SLC26A1: variants seen among roughly 807,000 people sequenced by gnomAD.
SLC26A1 encodes solute carrier family 26 member 1.
SLC26A1 carries 18 observed loss-of-function variants against 14.5 expected under a neutral mutation model. The ratio of observed to expected loss-of-function variants is 1.24; its 90% CI spans 0.86 to 1.84. The LOEUF (loss-of-function observed/expected upper bound fraction) is 1.84. Among genes scored for constraint, SLC26A1 ranks in the 40% most tolerant of loss-of-function variants. The probability of loss-of-function intolerance (pLI) is 0.00; values close to 1 mark genes in which losing one functional copy is unlikely to be tolerated. For synonymous variants in SLC26A1, 505 were observed against 492.0 expected, an observed-to-expected ratio of 1.03 and a Z score of -0.35; for missense variants, 1,049 against 1,020.0, an observed-to-expected ratio of 1.03 and a Z score of -0.39.
At position 988,394 on chromosome 4, in the gene SLC26A1, A is replaced by G; in HGVS notation, c.*439T>C. 4 of 1,062,878 alleles carry G rather than the reference A, an allele frequency of 3.8e-6. No individual in the cohort carries two copies. The highest frequency in any genetic ancestry group is 4.5e-6 in the Non-Finnish European group (4 of 879,332). The allele number at this position is 1,062,878 out of a possible 1,614,324, so 65.8% of individuals were successfully genotyped here. A position where few individuals can be genotyped will look rare whatever the true frequency, so the allele number is the denominator to read the frequency against. On this transcript the variant is annotated 3_prime_UTR_variant, in exon 3 of 3. Transcript: ENST00000398516. ...TGTGTGGGGCCTTCTGGAAACACAG[A>G]GACCCTCGTGCACTTGGCCAGAGCC...
In SLC26A1 at chr4:989,372, C is replaced by A; in HGVS notation, c.1567G>T (p.Glu523Ter). The A allele has an allele frequency of 6.3e-7, 1 of 1,581,422 alleles. No homozygotes were observed. The highest frequency in any genetic ancestry group is 2.3e-5 in the East Asian group (1 of 42,894). Residue 523 changes from glutamate (E) to a stop codon, truncating the protein, a stop_gained, in exon 3 of 3, where the codon GAG becomes TAG. Transcript: ENST00000398516. LOFTEE classifies it low-confidence loss of function (END_TRUNC). ...AGGCCCTCGAACTCTGTGGCATCCTCGTAGAAGGCCGTGTCCCCGATGCGG... is the reference window on the plus strand; with the variant it reads ...AGGCCCTCGAACTCTGTGGCATCCTAGTAGAAGGCCGTGTCCCCGATGCGG... ...LARIGDTAFY[E>*]DATEFEGLVP...
Position 988,064 on chromosome 4 carries a change from C to A in SLC26A1, c.*769G>T, listed in dbSNP as rs550476824. ...TGTTCCCCCACCTCCCGCCGAAGCA[C>A]CCTGTTGGGGAGAGCGTGTCCTTGC... On this transcript the variant is annotated 3_prime_UTR_variant, in exon 3 of 3. Coordinates refer to ENST00000398516, the MANE Select transcript of SLC26A1 (RefSeq NM_022042.4). 1.6e-5 allele frequency: 24 copies of A among 1,472,610 alleles called. No homozygotes were observed. The South Asian group carries it at 2.8e-4, about 17-fold the overall frequency. 91.2% of individuals were successfully genotyped at this position (1,472,610 alleles called of 1,614,324 possible).
downstream of SLC26A1, among the ~76,000 whole-genome samples, chr4:984,186 A>C (rs908500502): frequency 6.6e-6 from 1 of 152,246 alleles, no homozygotes; most frequent in African/African-American, 2.4e-5. Context: ...TATGATTTAC[A>C]TACAATAAAA....
downstream of SLC26A1, among the ~76,000 whole-genome samples, chr4:985,450 T>C (rs1713680686): frequency 6.6e-6 from 1 of 152,260 alleles, no homozygotes; most frequent in Admixed American, 6.5e-5. Context: ...AACAATTCAG[T>C]TTCCATTGCT....
At chr4:986,875 G>A (rs1489764063), downstream of SLC26A1, 2 of 657,000 alleles carry the variant, frequency 3.0e-6, no homozygotes, top group East Asian at 6.2e-5. Flanking sequence ...AGCCCCTGAG[G>A]CCCGCAAGGA....
chr4:989,082 C>T lies in SLC26A1; in HGVS notation c.1857G>A (p.Leu619=). The T allele has an allele frequency of 6.3e-7, 1 of 1,595,606 alleles. No individual in the cohort carries two copies. The highest frequency in any genetic ancestry group is 8.5e-7 in the Non-Finnish European group (1 of 1,171,590). The part of the protein sequence containing the change: ...FHTVVIDCAP[L]LFLDAAGVST... ...TCACACCGGCTGCGTCTAGGAACAG[C>T]AGCGGGGCGCAGTCGATGACCACTG... is the stretch of plus-strand genomic sequence containing the variant. The change falls in exon 3 of 3, where the codon CTG becomes CTA. Residue 619 remains leucine (L), a synonymous_variant. Coordinates refer to ENST00000398516, the MANE Select transcript of SLC26A1 (RefSeq NM_022042.4).
At position 990,456 on chromosome 4, in the gene SLC26A1, G is replaced by A. The variant is rs1714198026; in HGVS notation, c.577-94C>T. The A allele has an allele frequency of 3.3e-6, 4 of 1,218,922 alleles. No homozygotes were observed. In the South Asian group the frequency reaches 4.7e-5, roughly 14 times the overall value. The allele number at this position is 1,218,922 out of a possible 1,614,324, so 75.5% of individuals were successfully genotyped here. A position where few individuals can be genotyped will look rare whatever the true frequency, so the allele number is the denominator to read the frequency against. ...CATGGCCCGAGGGGTGGTGGTCACG[G>A]CACAGGACCTGACAATTCTGTGTTG... On this transcript the variant is annotated intron_variant, in intron 2 of 2. Transcript: ENST00000398516.
intron 2 of SLC26A1, 180 bp downstream of exon 2, chr4:990,948 C>T (rs960777798): frequency 1.1e-4 from 69 of 623,838 alleles, no homozygotes; most frequent in Middle Eastern, 8.8e-4. Flanking sequence ...ACAGCCTCTC[C>T]GCGTCGGTGC....
chr4:980,156 T>G (rs564839986), intron 2 of SLC26A1, among the ~76,000 whole-genome samples: 9 of 152,282 alleles, frequency 5.9e-5, no homozygotes, highest in Non-Finnish European at 1.2e-4. Flanking sequence ...CGGCAGCCCC[T>G]GGTCGGCCAG....
rs754987516 is a variant in SLC26A1, at chr4:990,014, C to T, written c.925G>A (p.Gly309Arg). 8.9e-6 allele frequency: 14 copies of T among 1,580,272 alleles called. No individual in the cohort carries two copies. The highest frequency in any genetic ancestry group is 4.6e-5 in the South Asian group (4 of 86,704). Residue 309 changes from glycine (G) to arginine (R), a missense_variant, in exon 3 of 3, where the codon GGG (glycine) becomes AGG (arginine). By Grantham distance (125) the Gly-to-Arg change is moderately radical. Transcript: ENST00000398516. ...IVVATLVSHF[G>R]QLHKRFGSSV... The stretch of plus-strand genomic sequence containing the variant: ...GAGCCAAAGCGCTTGTGGAGCTGCC[C>T]GAAGTGCGACACGAGTGTGGCCACC...
At position 988,540 on chromosome 4, in the gene SLC26A1, T is replaced by G; in HGVS notation, c.*293A>C. 1 of 1,234,320 alleles carries G rather than the reference T, an allele frequency of 8.1e-7. No homozygotes were observed. Among genetic ancestry groups the G allele is most frequent in the African/African-American group, 1.6e-5 (1 of 64,284 alleles). 76.5% of individuals were successfully genotyped at this position (1,234,320 alleles called of 1,614,324 possible). On this transcript the variant is annotated 3_prime_UTR_variant, in exon 3 of 3. Coordinates refer to ENST00000398516, the MANE Select transcript of SLC26A1 (RefSeq NM_022042.4). ...TCAAATAAGATGTCAACCCTGAGCG[T>G]CAGGTCAGGCCCATCCCTCCTGAGC...
rs779531460 is a variant in SLC26A1, at chr4:988,852, G to T, written c.2087C>A (p.Ala696Asp). 1 of 1,602,892 alleles carries T rather than the reference G, an allele frequency of 6.2e-7. No individual in the cohort carries two copies. The highest frequency in any genetic ancestry group is 1.1e-5 in the South Asian group (1 of 89,734). Residue 696 changes from alanine to aspartate, a missense_variant, in exon 3 of 3, where the codon GCC (alanine) becomes GAC (aspartate). Ala to Asp is a moderately radical substitution (Grantham distance 126). Transcript: ENST00000398516. Reference protein sequence around the residue: ...TARARHRELEATDAHL With the variant: ...TARARHRELEDTDAHL ...GCCCTGCTACAGATGGGCATCGGTG[G>T]CCTCCAGCTCCCTGTGGCGGGCTCG... is the stretch of plus-strand genomic sequence containing the variant.
chr4:983,009 G>A (rs921629800), downstream of SLC26A1, among the ~76,000 whole-genome samples: 2 of 152,242 alleles, frequency 1.3e-5, no homozygotes, highest in Admixed American at 6.5e-5. Flanking sequence ...CATGTGAGGC[G>A]ACAGGCGCGG....
In SLC26A1 at chr4:989,428, CGGCCG is replaced by C; in HGVS notation, c.1506_1510del (p.Gly503HisfsTer30). 1.4e-5 allele frequency: 22 copies of C among 1,554,954 alleles called. No individual in the cohort carries two copies. Among genetic ancestry groups the C allele is most frequent in the Non-Finnish European group, 1.8e-5 (21 of 1,149,626 alleles). ...CAGGGCGGTGCGTGGGCGTTGGGTGCGGCCGGCCAGGCTGAGCAGCGAGAGGATGA... is the reference window on the plus strand; with the variant it reads ...CAGGGCGGTGCGTGGGCGTTGGGTGCGCCAGGCTGAGCAGCGAGAGGATGA... On this transcript the variant is annotated frameshift_variant, in exon 3 of 3. Coordinates refer to ENST00000398516, the MANE Select transcript of SLC26A1 (RefSeq NM_022042.4). LOFTEE classifies it low-confidence loss of function (END_TRUNC).
At chr4:991,026 T>C in intron 2 of SLC26A1, 102 bp downstream of exon 2, 1 of 1,232,564 alleles carries the variant, frequency 8.1e-7, no homozygotes, top group Non-Finnish European at 1.1e-6. Context: ...CAGCACCTCC[T>C]CTGCCAACCC....
downstream of SLC26A1, among the ~76,000 whole-genome samples, chr4:984,283 A>G (rs1713633802): frequency 6.6e-6 from 1 of 152,236 alleles, no homozygotes; most frequent in South Asian, 2.1e-4. Flanking sequence ...CATTTTGAAA[A>G]ATTTCAAACT....
chr4:988,462 A>C lies in SLC26A1; in HGVS notation c.*371T>G. On this transcript the variant is annotated 3_prime_UTR_variant, in exon 3 of 3. Transcript: ENST00000398516. ...GGGTGGGCACCGGGCAGGCCTGGGC[A>C]TAGGGAGTCCTCTTGGCACCTTGGA... 1 of 1,098,346 alleles carries C rather than the reference A, an allele frequency of 9.1e-7. No homozygotes were observed. The highest frequency in any genetic ancestry group is 1.1e-6 in the Non-Finnish European group (1 of 900,754). The allele number at this position is 1,098,346 out of a possible 1,614,324, so 68.0% of individuals were successfully genotyped here. A position where few individuals can be genotyped will look rare whatever the true frequency, so the allele number is the denominator to read the frequency against.
chr4:987,034 C>T, downstream of SLC26A1: 4 of 1,479,860 alleles, frequency 2.7e-6, no homozygotes, highest in South Asian at 1.2e-5. Flanking sequence ...GACCCGGAGG[C>T]GGAACCGGCA....
downstream of SLC26A1, among the ~76,000 whole-genome samples, chr4:984,227 A>G (rs553020894): frequency 6.6e-6 from 1 of 152,352 alleles, no homozygotes; most frequent in Non-Finnish European, 1.5e-5. Context: ...CATTCAATAA[A>G]TTTTTACTAA....
Sources: allele counts gnomAD v4.1 joint callset (sites outside exome capture counted in the v4.1 genomes callset), GRCh38; gene constraint gnomAD v4.1.1; transcripts MANE v1.5; gene names NCBI Gene and HGNC (gene_info 2026-07-23, HGNC 2026-07-21).